The following ASAP1 variants were observed in gnomAD, a reference collection of about 807,000 sequenced individuals.
ASAP1 encodes arf-GAP with SH3 domain, ANK repeat and PH domain-containing protein 1.
ASAP1 carries 43 observed loss-of-function variants against 145.2 expected under a neutral mutation model. That is an observed-to-expected ratio of 0.30 (90% CI 0.23 to 0.38). The LOEUF (loss-of-function observed/expected upper bound fraction) is 0.38. ASAP1 is among the 10% of genes least tolerant of loss of function. ASAP1 has a pLI of 1.00. For missense variants in ASAP1, 1,018 were observed against 1,355.3 expected (o/e 0.75, Z 3.91); for synonymous variants, 546 against 515.5 (o/e 1.06, Z -0.80).
chr8:130,116,504 A>T (rs2097556203), intron 22 of ASAP1, among the ~76,000 whole-genome samples, 174 bp downstream of exon 22: 1 of 152,252 alleles, frequency 6.6e-6, no homozygotes, highest in Non-Finnish European at 1.5e-5. Context: ...CATGTGGATG[A>T]CAAATTTATC....
intron 5 of ASAP1, among the ~76,000 whole-genome samples, chr8:130,191,016 T>C (rs1032690320): frequency 6.6e-6 from 1 of 151,586 alleles, no homozygotes; most frequent in Non-Finnish European, 1.5e-5. Context: ...AAAGATGAGA[T>C]ATTTAGGAAG....
intron 3 of ASAP1, among the ~76,000 whole-genome samples, chr8:130,272,054 A>G (rs1820616961): frequency 6.6e-6 from 1 of 152,102 alleles, no homozygotes; most frequent in African/African-American, 2.4e-5. Flanking sequence ...AGTCCCAAAT[A>G]CTGGGGAGGC....
At chr8:130,178,873 G>A (rs1158535557) in intron 9 of ASAP1, among the ~76,000 whole-genome samples, 1 of 151,678 alleles carries the variant, frequency 6.6e-6, no homozygotes, top group Non-Finnish European at 1.5e-5. Context: ...AGGCAACAGA[G>A]TGAGACTCCG....
At chr8:130,286,177 G>T (rs1052889835) in intron 3 of ASAP1, among the ~76,000 whole-genome samples, 1 of 152,186 alleles carries the variant, frequency 6.6e-6, no homozygotes, top group Non-Finnish European at 1.5e-5. Flanking sequence ...AGTATCAAAT[G>T]GCAGAGTAGG....
chr8:130,101,424 T>C (rs1033490697), intron 24 of ASAP1, among the ~76,000 whole-genome samples: 2 of 152,348 alleles, frequency 1.3e-5, no homozygotes, highest in Admixed American at 6.5e-5. Context: ...ATGTGATGTC[T>C]TTCCATTTTT....
intron 3 of ASAP1, among the ~76,000 whole-genome samples, chr8:130,288,983 G>C (rs1043325983): frequency 2.6e-5 from 4 of 152,118 alleles, no homozygotes; most frequent in African/African-American, 7.2e-5. Flanking sequence ...TCGGGAGACC[G>C]AGACCACCCT....
At chr8:130,354,504 T>C (rs1008409786) in intron 3 of ASAP1, among the ~76,000 whole-genome samples, 8 of 152,218 alleles carry the variant, frequency 5.3e-5, no homozygotes, top group African/African-American at 1.9e-4. Context: ...ACAAAGGTAC[T>C]AAGTATTAGC....
chr8:130,397,644 G>A (rs544703851), intron 2 of ASAP1, among the ~76,000 whole-genome samples: 1 of 152,316 alleles, frequency 6.6e-6, no homozygotes, highest in Admixed American at 6.5e-5. Flanking sequence ...AGCAAAGGAT[G>A]GGGGGAACTG....
intron 27 of ASAP1, among the ~76,000 whole-genome samples, chr8:130,075,988 G>C (rs923847058): frequency 2.0e-5 from 3 of 152,176 alleles, no homozygotes; most frequent in Non-Finnish European, 4.4e-5. Flanking sequence ...GTTTAGTGAA[G>C]CTACTACGTC....
intron 3 of ASAP1, among the ~76,000 whole-genome samples, chr8:130,321,419 G>GT (rs1416844300): frequency 6.6e-6 from 1 of 152,068 alleles, no homozygotes; most frequent in Non-Finnish European, 1.5e-5. Context: ...CAATCAGTGA[G>GT]TTGGGAGTTA....
chr8:130,410,347 C>T (rs1200657637), intron 1 of ASAP1, among the ~76,000 whole-genome samples: 1 of 152,206 alleles, frequency 6.6e-6, no homozygotes, highest in Non-Finnish European at 1.5e-5. Context: ...AATTTTGTGA[C>T]TCTTAGAATA....
chr8:130,399,048 A>G (rs1309622294), intron 2 of ASAP1, among the ~76,000 whole-genome samples: 2 of 152,234 alleles, frequency 1.3e-5, no homozygotes, highest in Non-Finnish European at 2.9e-5. Flanking sequence ...CCAGTAGAAT[A>G]TAAGTAGGAA....
intron 3 of ASAP1, among the ~76,000 whole-genome samples, chr8:130,277,437 G>T (rs1297729521): frequency 6.6e-6 from 1 of 152,174 alleles, no homozygotes; most frequent in East Asian, 1.9e-4. Context: ...AGAAAGTTCA[G>T]TAGAAAAAAT....
chr8:130,183,706 CT>C (rs1814526886), intron 7 of ASAP1, among the ~76,000 whole-genome samples: 1 of 152,146 alleles, frequency 6.6e-6, no homozygotes, highest in Non-Finnish European at 1.5e-5. Flanking sequence ...ATAACTATCA[CT>C]TTTTGTGGTG....
rs770066449 is a variant in ASAP1 at position 130,128,047 on chromosome 8, T to C, written c.1261A>G (p.Met421Val). 9.9e-6 allele frequency: 16 copies of C among 1,612,550 alleles called. No homozygotes were observed. Among genetic ancestry groups the C allele is most frequent in the Non-Finnish European group, 1.3e-5 (15 of 1,179,448 alleles). ...GCACTCTGCTCTCCACGGAAGGCCA[T>C]GGTTAGGGCCTCTTCTTTGCTATTT... ...LTNSKEEALT[M>V]AFRGEQSAGE... is the part of the protein sequence containing the mutation. The change falls in exon 16 of 30, where the codon ATG (methionine) becomes GTG (valine). Residue 421 changes from methionine to valine, a missense_variant. Transcript: ENST00000518721.
At position 130,381,691 on chromosome 8, in the gene ASAP1, C is replaced by A. The variant is rs146196352; in HGVS notation, c.59+20194G>T. The stretch of plus-strand genomic sequence containing the variant: ...CTACTCCCATGACTTAGTCTAAAGG[C>A]CTTATATGACCAGGCCACTGTCCAT... On this transcript the variant is annotated intron_variant, in intron 2 of 29. Transcript: ENST00000518721. Among the ~76,000 whole-genome samples, 1,111 of 152,296 alleles carry A rather than the reference C, an allele frequency of 7.3e-3. 12 individuals are homozygous for A. Among genetic ancestry groups the A allele is most frequent in the African/African-American group, 0.026 (1,077 of 41,574 alleles).
At chr8:130,310,144 G>GT (rs1823248368) in intron 3 of ASAP1, among the ~76,000 whole-genome samples, 1 of 147,114 alleles carries the variant, frequency 6.8e-6, no homozygotes, top group Non-Finnish European at 1.5e-5. Context: ...TTTTTGGGGG[G>GT]GGGAGGGGGG....
chr8:130,209,005 A>G (rs955438164), intron 5 of ASAP1, among the ~76,000 whole-genome samples: 9 of 152,128 alleles, frequency 5.9e-5, no homozygotes, highest in Non-Finnish European at 1.2e-4. Context: ...GATTAGGGGG[A>G]ATATGAAAGA....
chr8:130,064,812 C>G (rs2097426914), intron 27 of ASAP1, among the ~76,000 whole-genome samples: 1 of 152,106 alleles, frequency 6.6e-6, no homozygotes, highest in Non-Finnish European at 1.5e-5. Context: ...TTCCAACAAT[C>G]CCCTCTGGGT....
Sources: allele counts gnomAD v4.1 joint callset (sites outside exome capture counted in the v4.1 genomes callset), GRCh38; gene constraint gnomAD v4.1.1; transcripts MANE v1.5; gene names NCBI Gene and HGNC (gene_info 2026-07-23, HGNC 2026-07-21).